The following GALC variants were observed in gnomAD, a reference collection of about 807,000 sequenced individuals.
GALC encodes galactocerebrosidase.
Under a neutral mutation model 91.8 loss-of-function variants are expected in GALC, and 77 were observed. The ratio of observed to expected loss-of-function variants is 0.84; its 90% confidence interval spans 0.70 to 1.01. The LOEUF (loss-of-function observed/expected upper bound fraction) is 1.01. GALC is among the 50% of genes least tolerant of loss of function. GALC has a pLI of 0.00. For synonymous variants in GALC, 357 were observed against 306.7 expected (o/e 1.16, Z -1.71); for missense variants, 882 against 855.9 (o/e 1.03, Z -0.38).
chr14:87,988,187 CA>C lies in GALC; in HGVS notation c.284del (p.Leu95CysfsTer4). 1.2e-6 allele frequency: 2 copies of C among 1,613,628 alleles called. No homozygotes were observed. The highest frequency in any genetic ancestry group is 8.5e-7 in the Non-Finnish European group (1 of 1,179,806). On this transcript the variant is annotated frameshift_variant, in exon 3 of 17. Coordinates refer to ENST00000261304, the MANE Select transcript of GALC (RefSeq NM_000153.4). LOFTEE classifies it high-confidence loss of function. Reference protein sequence around the residue: ...YLFKPNFGASLHILKVEIGGD... With the variant: ...YLFKPNFGASXHILKVEIGGD... ...CACCTATTTCCACTTTTAAAATATGCAAAGAGGCACCAAAATTCGGCTGTGA... is the reference window on the plus strand; with the variant it reads ...CACCTATTTCCACTTTTAAAATATGCAAGAGGCACCAAAATTCGGCTGTGA...
chr14:87,943,654 A>C (rs1884946981), intron 14 of GALC, among the ~76,000 whole-genome samples: 2 of 152,034 alleles, frequency 1.3e-5, no homozygotes, highest in South Asian at 4.1e-4. Context: ...TCAGTCTGCA[A>C]GGTGGGGACG....
chr14:87,965,751 G>A (rs1566990954), intron 8 of GALC, 122 bp from the exon 9 acceptor site: 3 of 965,174 alleles, frequency 3.1e-6, no homozygotes, highest in Non-Finnish European at 3.1e-6. Context: ...ACAATAAAAG[G>A]ATCACCCAAA....
At chr14:87,987,795 T>C (rs1378721986) in intron 3 of GALC, 2 of 181,062 alleles carry the variant, frequency 1.1e-5, no homozygotes, top group Non-Finnish European at 2.3e-5. Context: ...AATAACACTT[T>C]TTTTGTTCTA....
At chr14:87,970,870 T>C (rs1307852513) in intron 7 of GALC, among the ~76,000 whole-genome samples, 3 of 123,334 alleles carry the variant, frequency 2.4e-5, no homozygotes, top group Non-Finnish European at 5.0e-5. Flanking sequence ...AGTGAGACTC[T>C]GTCTCAAAAA....
intron 14 of GALC, among the ~76,000 whole-genome samples, chr14:87,943,386 G>A (rs1422373772): frequency 6.6e-6 from 1 of 151,982 alleles, no homozygotes; most frequent in Non-Finnish European, 1.5e-5. Context: ...GTATAAGAGA[G>A]GAAGTTCTAC....
chr14:87,941,870 A>T (rs2139942432), intron 14 of GALC, among the ~76,000 whole-genome samples: 1 of 152,148 alleles, frequency 6.6e-6, no homozygotes, highest in East Asian at 1.9e-4. Flanking sequence ...ACAATATTTT[A>T]AAATGCTACT....
intron 9 of GALC, 38 bp from the exon 10 acceptor site, chr14:87,963,549 GGTAATAATA>G (rs1173948872): frequency 2.7e-5 from 42 of 1,564,304 alleles, no homozygotes; most frequent in Non-Finnish European, 3.7e-5. Context: ...AGACAAAAAT[GGTAATAATA>G]GTATTTCTTT....
chr14:87,950,650 T>C lies in GALC; in HGVS notation c.1251+9A>G. ...CAAAACTAAAATAAAGTTAAACATA[T>C]TTACTTACAAAAGATCCCTTAAGAA... On this transcript the variant is annotated intron_variant, in intron 11 of 16. Transcript: ENST00000261304. 2 of 1,515,842 alleles carry C rather than the reference T, an allele frequency of 1.3e-6. No homozygotes were observed. Among genetic ancestry groups the C allele is most frequent in the South Asian group, 1.1e-5 (1 of 88,734 alleles). The allele number at this position is 1,515,842 out of a possible 1,614,324, so 93.9% of individuals were successfully genotyped here.
chr14:87,934,900 T>A (rs1229674614), intron 16 of GALC, 22 bp from the exon 17 acceptor site: 2 of 1,551,536 alleles, frequency 1.3e-6, no homozygotes, highest in South Asian at 2.2e-5. Flanking sequence ...AGAAACACAT[T>A]CCTTGAAACC....
rs991524010 is a variant in GALC, at chr14:87,934,478, T to C, written c.*254A>G. 33 of 1,376,832 alleles carry C rather than the reference T, an allele frequency of 2.4e-5. No homozygotes were observed. The highest frequency in any genetic ancestry group is 2.9e-5 in the Non-Finnish European group (31 of 1,065,706). The allele number at this position is 1,376,832 out of a possible 1,614,324, so 85.3% of individuals were successfully genotyped here. On this transcript the variant is annotated 3_prime_UTR_variant, in exon 17 of 17. Transcript: ENST00000261304. ...ACTACTCAAACCACTCCTAAGGGTA[T>C]GGCCAATGCACAGTTTGAATGTTAG...
rs112207823 is a variant in GALC, at chr14:87,954,009, G to A, written c.1162-3261C>T. On this transcript the variant is annotated intron_variant, in intron 10 of 16. Transcript: ENST00000261304. ...GTTTCTTGGAGATATAATTTTACTC[G>A]CAGATGTTGTTATTCATGAGGACCA... is the stretch of plus-strand genomic sequence containing the variant. 4,643 of 1,609,150 alleles carry A rather than the reference G, an allele frequency of 2.9e-3. 129 individuals are homozygous for A. In the African/African-American group the frequency reaches 0.055, roughly 19 times the overall value.
In GALC at chr14:87,982,243, T is replaced by A; in HGVS notation, c.583A>T (p.Ile195Phe). 6.3e-7 allele frequency: 1 copy of A among 1,580,284 alleles called. No homozygotes were observed. The highest frequency in any genetic ancestry group is 8.7e-7 in the Non-Finnish European group (1 of 1,150,230). The change falls in exon 6 of 17, where the codon ATT (isoleucine) becomes TTT (phenylalanine). Residue 195 changes from isoleucine to phenylalanine, a missense_variant and splice_region_variant. Transcript: ENST00000261304. ...YHDLDIDYIG[I>F]WNERSYNANY... ...GCATTATATGACCTCTCATTCCAAA[T>A]CTGCAAAACAAAAAGTCAAAAAAGT...
At chr14:87,968,555 A>G (rs949369218) in intron 7 of GALC, 65 bp from the exon 8 acceptor site, 42 of 1,449,070 alleles carry the variant, frequency 2.9e-5, no homozygotes, top group Non-Finnish European at 4.1e-5. Flanking sequence ...ATACGTATAG[A>G]TTTGTTGAGT....
upstream of GALC, chr14:87,993,481 CA>C: frequency 1.3e-6 from 2 of 1,535,566 alleles, no homozygotes; most frequent in Non-Finnish European, 1.7e-6. Flanking sequence ...GTGGCCCTAC[CA>C]TGGCTCTTCC....
chr14:87,940,150 T>C (rs548072123), intron 15 of GALC, among the ~76,000 whole-genome samples, 169 bp from the exon 16 acceptor site: 1 of 152,018 alleles, frequency 6.6e-6, no homozygotes, highest in South Asian at 2.1e-4. Context: ...CCAAAACATT[T>C]TTCATTTAGC....
chr14:87,943,776 C>G (rs1884956746), intron 14 of GALC, among the ~76,000 whole-genome samples: 1 of 151,990 alleles, frequency 6.6e-6, no homozygotes, highest in Non-Finnish European at 1.5e-5. Context: ...AGCCAGACAA[C>G]AGAAATGAAC....
At chr14:87,938,754 C>T (rs1359684421) in intron 16 of GALC, among the ~76,000 whole-genome samples, 2 of 151,918 alleles carry the variant, frequency 1.3e-5, no homozygotes, top group Non-Finnish European at 2.9e-5. Flanking sequence ...TTATTTAAAA[C>T]ATGAAACATA....
chr14:87,975,310 TAG>T (rs1301706594), intron 7 of GALC, among the ~76,000 whole-genome samples: 1 of 152,252 alleles, frequency 6.6e-6, no homozygotes, highest in African/African-American at 2.4e-5. Context: ...ACATAAAGAT[TAG>T]AATAGATTTA....
At position 87,933,248 on chromosome 14, in the gene GALC, G is replaced by A. The variant is rs1884434636; in HGVS notation, c.*1484C>T. On this transcript the variant is annotated 3_prime_UTR_variant, in exon 17 of 17. Coordinates refer to ENST00000261304, the MANE Select transcript of GALC (RefSeq NM_000153.4). ...GGAACAAAGAAAACTAACCTATAGT[G>A]ATAGAATTCCTATCAATGGCTGCCA... 6.6e-6 allele frequency: 1 copy of A among 152,530 alleles called. No homozygotes were observed. The highest frequency in any genetic ancestry group is 1.5e-5 in the Non-Finnish European group (1 of 68,016). The allele number at this position is 152,530 out of a possible 1,614,324, so 9.4% of individuals were successfully genotyped here.
Sources: allele counts gnomAD v4.1 joint callset (sites outside exome capture counted in the v4.1 genomes callset), GRCh38; gene constraint gnomAD v4.1.1; transcripts MANE v1.5; gene names NCBI Gene and HGNC (gene_info 2026-07-23, HGNC 2026-07-21).